Variants in WWTR1 observed in about 807,000 individuals in gnomAD.
WWTR1 encodes WW domain containing transcription regulator 1, also known as WW domain-containing transcription regulator protein 1.
Under a neutral mutation model 40.1 loss-of-function variants are expected in WWTR1, and 13 were observed. The observed-to-expected ratio is 0.32, with a 90% CI of 0.21 to 0.52. The LOEUF (loss-of-function observed/expected upper bound fraction) is 0.52. WWTR1 is among the 20% of genes least tolerant of loss of function. WWTR1 has a pLI of 0.97. For missense variants in WWTR1, 436 were observed against 523.1 expected, an observed-to-expected ratio of 0.83 and a Z score of 1.63; for synonymous variants, 230 against 210.1, an observed-to-expected ratio of 1.09 and a Z score of -0.82.
chr3:149,657,442 G>T (rs1713317288), intron 1 of WWTR1, 133 bp from the exon 2 acceptor site: 2 of 1,067,796 alleles, frequency 1.9e-6, no homozygotes, highest in Non-Finnish European at 2.6e-6. Context: ...ATAATTGCCC[G>T]CCTGGAGATC....
At chr3:149,622,497 G>A (rs1740337450) in intron 2 of WWTR1, among the ~76,000 whole-genome samples, 1 of 122,504 alleles carries the variant, frequency 8.2e-6, no homozygotes, top group African/African-American at 3.6e-5. Flanking sequence ...AAGGAAGGAA[G>A]GAAGGAAGAA....
At chr3:149,702,491 A>ATTATT (rs1489229171) in intron 1 of WWTR1, 39 of 150,524 alleles carry the variant, frequency 2.6e-4, no homozygotes, top group Non-Finnish European at 4.9e-4. Flanking sequence ...TATTATTATT[A>ATTATT]TTTTCAGATT....
Position 149,519,613 on chromosome 3 carries a change from T to C in WWTR1, c.*1192A>G, listed in dbSNP as rs1734947559. 6.6e-6 allele frequency: 1 copy of C among 152,208 alleles called. No individual in the cohort carries two copies. The highest frequency in any genetic ancestry group is 6.5e-5 in the Admixed American group (1 of 15,274). 9.4% of individuals were successfully genotyped at this position (152,208 alleles called of 1,614,324 possible). A position where few individuals can be genotyped will look rare whatever the true frequency, so the allele number is the denominator to read the frequency against. ...ATTTATCAAAAACATTTGGCTGCCT[T>C]TTGTCATCAGCTACAAAATTACAGT... On this transcript the variant is annotated 3_prime_UTR_variant, in exon 7 of 7. Transcript: ENST00000360632.
chr3:149,531,043 T>G (rs1735551816), intron 4 of WWTR1, among the ~76,000 whole-genome samples: 1 of 152,082 alleles, frequency 6.6e-6, no homozygotes, highest in Non-Finnish European at 1.5e-5. Context: ...CAAGCAAGTC[T>G]TGTGCCTCAG....
chr3:149,594,209 C>G (rs1371262756), intron 2 of WWTR1, among the ~76,000 whole-genome samples: 2 of 151,988 alleles, frequency 1.3e-5, no homozygotes, highest in Admixed American at 6.6e-5. Context: ...ATAGCAGAAG[C>G]CTAAGAATTA....
At chr3:149,667,360 A>G (rs1178186198) in intron 2 of WWTR1, among the ~76,000 whole-genome samples, 2 of 152,062 alleles carry the variant, frequency 1.3e-5, no homozygotes, top group African/African-American at 4.8e-5. Flanking sequence ...ATCCTGGCTA[A>G]CATGGTGAAA....
intron 2 of WWTR1, among the ~76,000 whole-genome samples, chr3:149,642,485 G>T (rs1712229208): frequency 6.7e-6 from 1 of 150,230 alleles, no homozygotes; most frequent in Non-Finnish European, 1.5e-5. Context: ...AATTTTGTAA[G>T]AGAAATCCGG....
In WWTR1 at chr3:149,697,435, T is replaced by C. The variant is rs951107039; in HGVS notation, c.-108+5689A>G. On this transcript the variant is annotated intron_variant, in intron 1 of 7. Transcript: ENST00000465804. ...AACTATAAAACATTGATGAAAAAAA[T>C]TGAAAAGGACACAAATAAATGGAAA... 9.9e-5 allele frequency among the ~76,000 whole-genome samples: 15 copies of C among 152,060 alleles called. No homozygotes were observed. In the East Asian group the frequency reaches 1.9e-3, roughly 20 times the overall value.
chr3:149,528,051 C>T, intron 4 of WWTR1, 82 bp from the exon 5 acceptor site: 2 of 1,515,246 alleles, frequency 1.3e-6, no homozygotes, highest in Non-Finnish European at 1.8e-6. Context: ...CAAAACTTTT[C>T]ACCAAATACA....
chr3:149,633,772 G>A, intron 2 of WWTR1, among the ~76,000 whole-genome samples: 1 of 152,150 alleles, frequency 6.6e-6, no homozygotes, highest in East Asian at 1.9e-4. Context: ...GAGTGAGGGT[G>A]CTCCAGGGAA....
chr3:149,641,669 G>A (rs1712179388), intron 2 of WWTR1, among the ~76,000 whole-genome samples: 1 of 152,122 alleles, frequency 6.6e-6, no homozygotes, highest in Non-Finnish European at 1.5e-5. Context: ...TCAACAATTG[G>A]GATCTAACCT....
intron 2 of WWTR1, among the ~76,000 whole-genome samples, chr3:149,592,451 C>T (rs891003449): frequency 3.3e-5 from 5 of 152,076 alleles, no homozygotes; most frequent in Non-Finnish European, 5.9e-5. Context: ...AAACTACAGG[C>T]GTTCCTATCC....
chr3:149,582,945 T>C (rs1175089616), intron 2 of WWTR1, among the ~76,000 whole-genome samples: 3 of 152,136 alleles, frequency 2.0e-5, no homozygotes, highest in African/African-American at 7.2e-5. Context: ...GATGAGACGC[T>C]TTATGAATGG....
At chr3:149,584,032 T>G (rs1738288040) in intron 2 of WWTR1, among the ~76,000 whole-genome samples, 1 of 152,246 alleles carries the variant, frequency 6.6e-6, no homozygotes, top group Non-Finnish European at 1.5e-5. Flanking sequence ...TAAGCTACTC[T>G]AAATGCTAAA....
At chr3:149,603,554 C>CTCCCG (rs1739348460) in intron 2 of WWTR1, among the ~76,000 whole-genome samples, 1 of 146,502 alleles carries the variant, frequency 6.8e-6, no homozygotes, top group African/African-American at 2.6e-5. Context: ...TTCCCCACCC[C>CTCCCG]CCCCTTGTAC....
intron 2 of WWTR1, among the ~76,000 whole-genome samples, chr3:149,598,671 A>T (rs766085749): frequency 2.0e-5 from 3 of 152,110 alleles, no homozygotes; most frequent in Non-Finnish European, 2.9e-5. Context: ...TTCATTTAAC[A>T]TCATAACAAT....
chr3:149,543,255 G>A (rs1030072036), intron 3 of WWTR1, among the ~76,000 whole-genome samples: 2 of 152,120 alleles, frequency 1.3e-5, no homozygotes, highest in Admixed American at 1.3e-4. Context: ...CTATTTATCT[G>A]CATTTAACAA....
chr3:149,676,494 G>T (rs993478873), intron 1 of WWTR1, among the ~76,000 whole-genome samples: 1 of 151,996 alleles, frequency 6.6e-6, no homozygotes, highest in East Asian at 1.9e-4. Flanking sequence ...AATCCTTTAG[G>T]GTAGATGACC....
rs778759561 is a variant in WWTR1, at chr3:149,527,849, G to T, written c.892C>A (p.Pro298Thr). The T allele has an allele frequency of 2.9e-5, 46 of 1,613,910 alleles. No individual in the cohort carries two copies. The highest frequency in any genetic ancestry group is 3.8e-5 in the Non-Finnish European group (45 of 1,179,998). ...MRSITNNSSD[P>T]FLNGGPYHSR... is the part of the protein sequence containing the mutation. ...ATATTAACTTACCCATTGAGGAAAG[G>T]ATCTGAGCTATTATTAGTGATGGAT... is the stretch of plus-strand genomic sequence containing the variant. Residue 298 changes from proline to threonine, a missense_variant, in exon 5 of 7, where the codon CCT becomes ACT. Coordinates refer to ENST00000360632, the MANE Select transcript of WWTR1 (RefSeq NM_015472.6).
Sources: gnomAD v4.1 joint callset for allele counts (sites outside exome capture counted in the v4.1 genomes callset) on GRCh38, gnomAD v4.1.1 for gene constraint, MANE v1.5 for transcripts, NCBI Gene and HGNC (gene_info 2026-07-23, HGNC 2026-07-21) for gene names.